The following VPS36 variants were observed in gnomAD, a reference collection of about 807,000 sequenced individuals.
VPS36 encodes the protein vacuolar protein sorting 36 homolog.
A neutral mutation model predicts 63.5 loss-of-function variants in VPS36; 31 were observed. The observed-to-expected ratio is 0.49, with a 90% CI of 0.37 to 0.66. The LOEUF (loss-of-function observed/expected upper bound fraction) is 0.66, where lower values mean the gene tolerates loss of function less well. Ranked by LOEUF, VPS36 falls within the 30% of genes least tolerant of loss-of-function variation. The pLI, the probability that VPS36 is intolerant of heterozygous loss-of-function variation, is 0.00. For missense variants in VPS36, 338 were observed against 463.7 expected (o/e 0.73, Z 2.49); for synonymous variants, 138 against 157.2 (o/e 0.88, Z 0.91).
Position 52,434,779 on chromosome 13 carries a change from A to T in VPS36, c.441+14T>A, listed in dbSNP as rs1277067659. The T allele has an allele frequency of 6.2e-7, 1 of 1,605,630 alleles. No individual in the cohort carries two copies. On this transcript the variant is annotated intron_variant, in intron 5 of 13. Transcript: ENST00000378060. ...AGTTGAAAATACTGGATTAGCAAATAGTTTTAAAAATACCTGGGGTCCTCT... is the reference window on the plus strand; with the variant it reads ...AGTTGAAAATACTGGATTAGCAAATTGTTTTAAAAATACCTGGGGTCCTCT...
chr13:52,422,935 G>A (rs1294850867), intron 10 of VPS36, among the ~76,000 whole-genome samples: 1 of 152,106 alleles, frequency 6.6e-6, no homozygotes, highest in Non-Finnish European at 1.5e-5. Context: ...TTGAATTATG[G>A]GGGCGGGTCT....
chr13:52,450,107 C>T (rs560962992), intron 1 of VPS36: 394 of 991,048 alleles, frequency 4.0e-4, no homozygotes, highest in Middle Eastern at 5.2e-4. Context: ...AGGTTGGTGT[C>T]GTCAGGGGGT....
chr13:52,438,669 C>T (rs1263208434), intron 3 of VPS36, among the ~76,000 whole-genome samples: 2 of 152,096 alleles, frequency 1.3e-5, no homozygotes, highest in African/African-American at 2.4e-5. Context: ...ATCCCTGTTA[C>T]CCTGGTCTAA....
intron 10 of VPS36, among the ~76,000 whole-genome samples, chr13:52,420,517 G>C (rs1242971097): frequency 2.6e-5 from 4 of 151,610 alleles, no homozygotes; most frequent in Admixed American, 6.6e-5. Flanking sequence ...ATTTTTAGTA[G>C]AGATGGGGTT....
chr13:52,434,922 A>G (rs2137796850), intron 4 of VPS36, 40 bp from the exon 5 acceptor site: 1 of 1,483,078 alleles, frequency 6.7e-7, no homozygotes, highest in South Asian at 1.2e-5. Flanking sequence ...ACTCAGTCAG[A>G]TTGTAACATC....
intron 4 of VPS36, 29 bp from the exon 5 acceptor site, chr13:52,434,911 G>T (rs1164163212): frequency 1.9e-6 from 3 of 1,561,732 alleles, no homozygotes; most frequent in Middle Eastern, 1.7e-4. Context: ...CACTTTAAAT[G>T]ACTCAGTCAG....
chr13:52,446,788 T>C lies in VPS36; in HGVS notation c.96+3711A>G, dbSNP rs142010921. 3.3e-3 allele frequency among the ~76,000 whole-genome samples: 497 copies of C among 152,086 alleles called. 3 individuals carry two copies. The highest frequency in any genetic ancestry group is 0.011 in the African/African-American group (448 of 41,494). On this transcript the variant is annotated intron_variant, in intron 1 of 13. Transcript: ENST00000378060. ...CATATATAACCTTTAAATAGAATGATAGGTTTATAACTATTATTAATAGTA... is the reference window on the plus strand; with the variant it reads ...CATATATAACCTTTAAATAGAATGACAGGTTTATAACTATTATTAATAGTA...
At position 52,433,739 on chromosome 13, in the gene VPS36, T is replaced by A. The variant is rs762027049; in HGVS notation, c.451A>T (p.Ile151Leu). 8 of 1,601,450 alleles carry A rather than the reference T, an allele frequency of 5.0e-6. No homozygotes were observed. Among genetic ancestry groups the A allele is most frequent in the African/African-American group, 1.4e-5 (1 of 73,880 alleles). Residue 151 changes from isoleucine (I) to leucine (L), a missense_variant, in exon 6 of 14, where the codon ATA becomes TTA. By Grantham distance (5) the Ile-to-Leu change is conservative. Coordinates refer to ENST00000378060, the MANE Select transcript of VPS36 (RefSeq NM_016075.4). Reference sequence around the variant, plus strand: ...ATACCTACAATTCCTACAGCCCTTATTCTTCCTGGCTGAAAAAAAAAAGAG... The same window carrying A: ...ATACCTACAATTCCTACAGCCCTTAATCTTCCTGGCTGAAAAAAAAAAGAG... ...QTNRGPQPGR[I>L]RAVGIVGIER...
chr13:52,431,741 C>T (rs539315293), intron 6 of VPS36, among the ~76,000 whole-genome samples: 4 of 137,840 alleles, frequency 2.9e-5, no homozygotes, highest in African/African-American at 5.5e-5. Context: ...CCAGCCTAAG[C>T]GACAGAGTAA....
Position 52,442,465 on chromosome 13 carries a change from C to T in VPS36, c.97-20G>A. 1 of 1,603,108 alleles carries T rather than the reference C, an allele frequency of 6.2e-7. No individual in the cohort carries two copies. Among genetic ancestry groups the T allele is most frequent in the Non-Finnish European group, 8.5e-7 (1 of 1,173,786 alleles). ...TTTTATCTAGAAAGAAAGAGCATCACAAAATATTAATAACATATCACTCAT... is the reference window on the plus strand; with the variant it reads ...TTTTATCTAGAAAGAAAGAGCATCATAAAATATTAATAACATATCACTCAT... On this transcript the variant is annotated intron_variant, in intron 1 of 13. Coordinates refer to ENST00000378060, the MANE Select transcript of VPS36 (RefSeq NM_016075.4).
At chr13:52,429,006 T>C (rs1246479973) in intron 6 of VPS36, among the ~76,000 whole-genome samples, 1 of 151,972 alleles carries the variant, frequency 6.6e-6, no homozygotes, top group Admixed American at 6.6e-5. Flanking sequence ...ATTATAAAAT[T>C]TGGAATTAGT....
chr13:52,444,424 C>T (rs535846890), intron 1 of VPS36, among the ~76,000 whole-genome samples: 4 of 151,232 alleles, frequency 2.6e-5, no homozygotes, highest in African/African-American at 9.7e-5. Context: ...CGCGCCACTG[C>T]ACTCCAGCCT....
At chr13:52,445,839 C>G (rs1478899640) in intron 1 of VPS36, among the ~76,000 whole-genome samples, 1 of 130,430 alleles carries the variant, frequency 7.7e-6, no homozygotes, top group Non-Finnish European at 1.6e-5. Flanking sequence ...ACTTGGGAGG[C>G]GGAGGCAGGA....
At chr13:52,443,858 A>G (rs973247066) in intron 1 of VPS36, among the ~76,000 whole-genome samples, 2 of 152,212 alleles carry the variant, frequency 1.3e-5, no homozygotes, top group South Asian at 2.1e-4. Flanking sequence ...AGATTAATAA[A>G]TTAAACCCCT....
rs1291376014 is a variant in VPS36 at position 52,414,096 on chromosome 13, G to C, written c.*1734C>G. The C allele has an allele frequency of 2.6e-5, 4 of 152,068 alleles. No individual in the cohort carries two copies. The highest frequency in any genetic ancestry group is 5.9e-5 in the Non-Finnish European group (4 of 68,036). The allele number at this position is 152,068 out of a possible 1,614,324, so 9.4% of individuals were successfully genotyped here. A position where few individuals can be genotyped will look rare whatever the true frequency, so the allele number is the denominator to read the frequency against. ...ATTAGCGCTAGATTGAGTAGCTCCA[G>C]CAATCTTCCTTGCAACTCACTCCAG... On this transcript the variant is annotated 3_prime_UTR_variant, in exon 14 of 14. Coordinates refer to ENST00000378060, the MANE Select transcript of VPS36 (RefSeq NM_016075.4).
chr13:52,450,334 G>A (rs906318758), intron 1 of VPS36, 165 bp downstream of exon 1: 7 of 1,182,384 alleles, frequency 5.9e-6, no homozygotes, highest in Non-Finnish European at 7.3e-6. Context: ...CGACCGGCGG[G>A]GAGCGCAAGA....
At position 52,417,149 on chromosome 13, in the gene VPS36, C is replaced by A. The variant is rs1185501288; in HGVS notation, c.906-8G>T. On this transcript the variant is annotated splice_polypyrimidine_tract_variant and splice_region_variant and intron_variant, in intron 11 of 13. Coordinates refer to ENST00000378060, the MANE Select transcript of VPS36 (RefSeq NM_016075.4). ...CTGTCAAACACACGGAGCCTGAAAACCACAGGTGCGAGAACAAAGCCAGGA... is the reference window on the plus strand; with the variant it reads ...CTGTCAAACACACGGAGCCTGAAAAACACAGGTGCGAGAACAAAGCCAGGA... The A allele has an allele frequency of 1.2e-6, 2 of 1,613,544 alleles. No homozygotes were observed. Among genetic ancestry groups the A allele is most frequent in the Non-Finnish European group, 8.5e-7 (1 of 1,179,770 alleles).
chr13:52,434,681 AC>A, intron 5 of VPS36, 111 bp downstream of exon 5: 1 of 1,006,690 alleles, frequency 9.9e-7, no homozygotes, highest in Non-Finnish European at 1.5e-6. Flanking sequence ...TTATAAGAAT[AC>A]CATTGCAGTA....
intron 6 of VPS36, chr13:52,429,199 C>G: frequency 1.1e-6 from 1 of 942,998 alleles, no homozygotes; most frequent in Non-Finnish European, 1.3e-6. Flanking sequence ...CCAGGAGTAC[C>G]CCCTTAAGCT....
Sources: gnomAD v4.1 joint callset for allele counts (sites outside exome capture counted in the v4.1 genomes callset) on GRCh38, gnomAD v4.1.1 for gene constraint, MANE v1.5 for transcripts, NCBI Gene and HGNC (gene_info 2026-07-23, HGNC 2026-07-21) for gene names.